The following POM121 variants were observed in gnomAD, a reference collection of about 807,000 sequenced individuals.
POM121 encodes the protein POM121 transmembrane nucleoporin, also known as nuclear envelope pore membrane protein POM 121.
A neutral mutation model predicts 81.3 loss-of-function variants in POM121; 32 were observed. That is an observed-to-expected ratio of 0.39 (90% CI 0.30 to 0.53). The LOEUF (loss-of-function observed/expected upper bound fraction) is 0.53, where lower values mean the gene tolerates loss of function less well. Ranked by LOEUF, POM121 falls within the 20% of genes least tolerant of loss-of-function variation. The probability of loss-of-function intolerance (pLI) is 0.66; values close to 1 mark genes in which losing one functional copy is unlikely to be tolerated. For synonymous variants in POM121, 514 were observed against 694.2 expected, an observed-to-expected ratio of 0.74 and a Z score of 4.08; for missense variants, 1,138 against 1,614.6, an observed-to-expected ratio of 0.70 and a Z score of 5.06.
intron 3 of POM121, among the ~76,000 whole-genome samples, chr7:72,900,823 TTTCC>T (rs1554492547): frequency 6.6e-6 from 1 of 151,998 alleles, no homozygotes; most frequent in Non-Finnish European, 1.5e-5. Context: ...ATTAATTCTA[TTTCC>T]TTCTTTCTGT....
chr7:72,908,628 C>G (rs1330991429), intron 3 of POM121, among the ~76,000 whole-genome samples: 2 of 152,154 alleles, frequency 1.3e-5, no homozygotes, highest in Admixed American at 1.3e-4. Flanking sequence ...TTATTTCCTC[C>G]CTTATCTGCA....
chr7:72,924,083 C>A (rs1190511831), upstream of POM121, among the ~76,000 whole-genome samples: 2 of 151,638 alleles, frequency 1.3e-5, no homozygotes, highest in Non-Finnish European at 2.9e-5. Context: ...GTTGCTGGGA[C>A]TACAGGCGGC....
intron 5 of POM121, among the ~76,000 whole-genome samples, chr7:72,931,178 A>T (rs1795983230): frequency 6.6e-6 from 1 of 152,110 alleles, no homozygotes; most frequent in African/African-American, 2.4e-5. Flanking sequence ...TTTAATATCT[A>T]GTTATTATTT....
At chr7:72,918,892 G>T (rs1474552050) in intron 4 of POM121, among the ~76,000 whole-genome samples, 1 of 152,080 alleles carries the variant, frequency 6.6e-6, no homozygotes, top group African/African-American at 2.4e-5. Context: ...CCACCTTCCG[G>T]GTTCAAGCGA....
chr7:72,906,450 A>T (rs1405651146), intron 3 of POM121, among the ~76,000 whole-genome samples: 3 of 152,222 alleles, frequency 2.0e-5, no homozygotes, highest in African/African-American at 7.2e-5. Context: ...GGTGAAGATC[A>T]GCAGCCTCTC....
intron 3 of POM121, among the ~76,000 whole-genome samples, chr7:72,901,185 A>C (rs1792597531): frequency 6.7e-6 from 1 of 149,036 alleles, no homozygotes. Context: ...TTTTTAATTG[A>C]GGTGAAAGTC....
chr7:72,926,349 A>G lies in POM121; in HGVS notation c.732A>G (p.Val244=), dbSNP rs1795442404. Residue 244 remains valine (V), a synonymous_variant, in exon 2 of 13, where the codon GTA becomes GTG. Transcript: ENST00000434423. ...AGGCCCAGTATTCCTGTCTGGGGGT[A>G]CTTCCCACCGTGTGCTGGAATGGTT... is the stretch of plus-strand genomic sequence containing the variant. The part of the protein sequence containing the change: ...IHQAQYSCLG[V]LPTVCWNGYH... 5.0e-6 allele frequency: 8 copies of G among 1,613,626 alleles called. No individual in the cohort carries two copies. Among genetic ancestry groups the G allele is most frequent in the Non-Finnish European group, 6.8e-6 (8 of 1,179,696 alleles).
At chr7:72,902,455 C>T (rs1792777444) in intron 3 of POM121, among the ~76,000 whole-genome samples, 1 of 151,288 alleles carries the variant, frequency 6.6e-6, no homozygotes, top group Non-Finnish European at 1.5e-5. Context: ...CAGCTTCAGA[C>T]TTTGATTCCT....
chr7:72,945,386 TG>T (rs1174735971), intron 11 of POM121, among the ~76,000 whole-genome samples, 199 bp from the exon 12 acceptor site: 3 of 150,718 alleles, frequency 2.0e-5, no homozygotes, highest in African/African-American at 7.3e-5. Context: ...CATTAGCGGG[TG>T]GGAGAAGCAG....
At chr7:72,899,575 A>ATTT (rs10709124) in intron 3 of POM121, among the ~76,000 whole-genome samples, 16 of 121,458 alleles carry the variant, frequency 1.3e-4, no homozygotes, top group East Asian at 4.9e-4. Context: ...TTGATATTAC[A>ATTT]TTTTTTTTTT....
intron 3 of POM121, among the ~76,000 whole-genome samples, chr7:72,911,103 C>T (rs569425719): frequency 6.6e-6 from 1 of 152,370 alleles, no homozygotes; most frequent in Admixed American, 6.5e-5. Context: ...TCTGCCTCAG[C>T]CTCCCTAGTA....
chr7:72,948,825 C>G (rs1554504040), downstream of POM121: 2 of 1,534,560 alleles, frequency 1.3e-6, no homozygotes, highest in African/African-American at 2.8e-5. Context: ...GAGAAACAGC[C>G]CCAATGCTGG....
chr7:72,899,135 A>G (rs1792305541), intron 3 of POM121, among the ~76,000 whole-genome samples: 1 of 151,388 alleles, frequency 6.6e-6, no homozygotes, highest in South Asian at 2.1e-4. Flanking sequence ...GGCACTGACC[A>G]CTACACCTGG....
intron 5 of POM121, among the ~76,000 whole-genome samples, chr7:72,938,215 T>C (rs1554499871): frequency 1.3e-5 from 2 of 152,030 alleles, no homozygotes; most frequent in African/African-American, 4.8e-5. Context: ...CAAACAAATT[T>C]TTTTCATTTT....
chr7:72,920,645 T>C (rs186087143), upstream of POM121, among the ~76,000 whole-genome samples: 1,204 of 151,564 alleles, frequency 7.9e-3, 39 homozygotes, highest in Admixed American at 0.066. Context: ...TGAGCCACCG[T>C]GCCCAGCCAA....
intron 3 of POM121, among the ~76,000 whole-genome samples, chr7:72,908,757 T>C (rs1277843554): frequency 3.3e-5 from 5 of 152,214 alleles, no homozygotes; most frequent in African/African-American, 1.2e-4. Context: ...TTCTCCTATT[T>C]GCTTTTGAAA....
intron 5 of POM121, among the ~76,000 whole-genome samples, chr7:72,931,275 A>G (rs1423258279): frequency 6.6e-6 from 1 of 152,114 alleles, no homozygotes. Context: ...TCTTCGACAG[A>G]TAGCTTCATT....
At chr7:72,925,076 G>T, upstream of POM121, 10 of 1,360,806 alleles carry the variant, frequency 7.3e-6, no homozygotes, top group Non-Finnish European at 8.4e-6. Flanking sequence ...CGCGCGGCGC[G>T]GTGCACGCTG....
Position 72,931,374 on chromosome 7 carries a change from CTG to C in POM121, c.1275+1265_1275+1266del, listed in dbSNP as rs1440591566. On this transcript the variant is annotated intron_variant, in intron 5 of 12. Transcript: ENST00000434423. ...AAGCTTTGGTTTCTTCCAGTTAGAA[CTG>C]TAGAGACTACAGTCTAAGTTTTAGG... Among the ~76,000 whole-genome samples, 5 of 152,172 alleles carry C rather than the reference CTG, an allele frequency of 3.3e-5. No homozygotes were observed. In the East Asian group the frequency reaches 9.6e-4, roughly 29 times the overall value.
Sources: gnomAD v4.1 joint callset for allele counts (sites outside exome capture counted in the v4.1 genomes callset) on GRCh38, gnomAD v4.1.1 for gene constraint, MANE v1.5 for transcripts, NCBI Gene and HGNC (gene_info 2026-07-23, HGNC 2026-07-21) for gene names.